SMG5: variants seen among roughly 807,000 people sequenced by gnomAD.
The protein encoded by SMG5 is nonsense-mediated mRNA decay factor SMG5.
A neutral mutation model predicts 122.9 loss-of-function variants in SMG5; 53 were observed. That is an observed-to-expected ratio of 0.43 (90% CI 0.35 to 0.54). The LOEUF is 0.54. Ranked by LOEUF, SMG5 falls within the 20% of genes least tolerant of loss-of-function variation. SMG5 has a pLI of 0.01. For missense variants in SMG5, 1,153 were observed against 1,285.6 expected (o/e 0.90, Z 1.58); for synonymous variants, 477 against 490.2 (o/e 0.97, Z 0.35).
At chr1:156,280,622 G>C (rs944382809) in intron 1 of SMG5, among the ~76,000 whole-genome samples, 1 of 152,220 alleles carries the variant, frequency 6.6e-6, no homozygotes, top group Non-Finnish European at 1.5e-5. Context: ...GCCATGGAAA[G>C]AGCTAATGGG....
At chr1:156,253,917 A>G (rs1397548554) in intron 16 of SMG5, among the ~76,000 whole-genome samples, 4 of 152,136 alleles carry the variant, frequency 2.6e-5, no homozygotes, top group Non-Finnish European at 5.9e-5. Context: ...CTGCAGATTC[A>G]GCCCAGGCCT....
At chr1:156,267,401 G>T in intron 10 of SMG5, 69 bp downstream of exon 10, 1 of 1,471,226 alleles carries the variant, frequency 6.8e-7, no homozygotes, top group Non-Finnish European at 9.4e-7. Flanking sequence ...TGAATAAGGA[G>T]CTGCAGAAAA....
Position 156,278,059 on chromosome 1 carries a change from T to C in SMG5, c.174-11A>G. The C allele has an allele frequency of 1.9e-6, 3 of 1,613,442 alleles. No individual in the cohort carries two copies. In the East Asian group the frequency reaches 6.7e-5, roughly 36 times the overall value. ...CAGAGCTCACGCAGCCTGGAGGGTG[T>C]AGAGGAGCATGAGAGAGACAGCCCA... On this transcript the variant is annotated splice_polypyrimidine_tract_variant and intron_variant, in intron 2 of 21. Coordinates refer to ENST00000361813, the MANE Select transcript of SMG5 (RefSeq NM_015327.3).
At chr1:156,269,694 T>A (rs1240862422) in intron 7 of SMG5, among the ~76,000 whole-genome samples, 1 of 152,072 alleles carries the variant, frequency 6.6e-6, no homozygotes, top group Non-Finnish European at 1.5e-5. Context: ...GCTAACACAG[T>A]GAGACCCCGT....
chr1:156,275,471 G>A (rs1035421920), intron 4 of SMG5, among the ~76,000 whole-genome samples: 2 of 152,228 alleles, frequency 1.3e-5, no homozygotes. Flanking sequence ...GCAACCCTAT[G>A]AGGTTACTCT....
upstream of SMG5, among the ~76,000 whole-genome samples, chr1:156,287,411 G>A (rs555052377): frequency 7.2e-5 from 11 of 151,970 alleles, no homozygotes; most frequent in East Asian, 1.9e-4. Context: ...GTGAGACTCC[G>A]TCTCAAACAA....
In SMG5 at chr1:156,260,335, C is replaced by A. The variant is rs535241738; in HGVS notation, c.2283+116G>T. 2.4e-6 allele frequency: 3 copies of A among 1,242,636 alleles called. No homozygotes were observed. The South Asian group carries it at 4.3e-5, about 18-fold the overall frequency. 77.0% of individuals were successfully genotyped at this position (1,242,636 alleles called of 1,614,324 possible). A position where few individuals can be genotyped will look rare whatever the true frequency, so the allele number is the denominator to read the frequency against. ...AGCACAGCCTGTAGCCCCAAGGACA[C>A]TGTCCCTGTCTGAGTGGAAGAGGGC... On this transcript the variant is annotated intron_variant, in intron 15 of 21. Transcript: ENST00000361813.
chr1:156,251,535 A>G, intron 19 of SMG5, 58 bp from the exon 20 acceptor site: 1 of 1,575,686 alleles, frequency 6.3e-7, no homozygotes, highest in Non-Finnish European at 8.7e-7. Context: ...GGTGCCTTAC[A>G]CAAAGCAGTC....
intron 10 of SMG5, among the ~76,000 whole-genome samples, chr1:156,266,900 C>T (rs1662178642): frequency 6.6e-6 from 1 of 152,050 alleles, no homozygotes; most frequent in Admixed American, 6.6e-5. Flanking sequence ...CTCGGCCTCC[C>T]AAAGTGCTGG....
chr1:156,285,246 T>C (rs758140988), upstream of SMG5: 20 of 1,545,204 alleles, frequency 1.3e-5, no homozygotes, highest in East Asian at 3.8e-4. Flanking sequence ...CAGGAGACCC[T>C]GGCCCTACTG....
At chr1:156,279,975 G>A (rs1285027914) in intron 1 of SMG5, among the ~76,000 whole-genome samples, 1 of 152,152 alleles carries the variant, frequency 6.6e-6, no homozygotes, top group Non-Finnish European at 1.5e-5. Flanking sequence ...ACCATAAAAT[G>A]GGAATATTAT....
At chr1:156,263,801 A>C (rs1435213708) in intron 12 of SMG5, among the ~76,000 whole-genome samples, 8 of 152,184 alleles carry the variant, frequency 5.3e-5, no homozygotes, top group Admixed American at 3.9e-4. Context: ...GGTTGTTTTT[A>C]AAATATGGTG....
At chr1:156,256,655 G>A (rs1034033015) in intron 16 of SMG5, among the ~76,000 whole-genome samples, 1 of 152,082 alleles carries the variant, frequency 6.6e-6, no homozygotes. Flanking sequence ...ATGAGGCTCT[G>A]ACATTACCAA....
chr1:156,253,168 C>T (rs1661429738), intron 17 of SMG5, 90 bp from the exon 18 acceptor site: 2 of 1,400,384 alleles, frequency 1.4e-6, no homozygotes, highest in East Asian at 2.4e-5. Context: ...CTCTATGGGG[C>T]TCCTCCTGTT....
intron 6 of SMG5, among the ~76,000 whole-genome samples, 170 bp from the exon 7 acceptor site, chr1:156,272,568 C>T (rs926730860): frequency 6.6e-6 from 1 of 151,824 alleles, no homozygotes; most frequent in Non-Finnish European, 1.5e-5. Flanking sequence ...TAGAGGATTA[C>T]TGACCTCTTC....
intron 15 of SMG5, 139 bp from the exon 16 acceptor site, chr1:156,259,302 T>G: frequency 2.2e-6 from 2 of 894,980 alleles, no homozygotes; most frequent in South Asian, 2.0e-5. Context: ...AGGGGAAGAT[T>G]TGTGGTCTAT....
intron 19 of SMG5, 54 bp downstream of exon 19, chr1:156,252,360 T>C: frequency 6.4e-7 from 1 of 1,555,432 alleles, no homozygotes; most frequent in Non-Finnish European, 8.9e-7. Flanking sequence ...TAAGCATGTG[T>C]TATCCAAAAG....
intron 16 of SMG5, among the ~76,000 whole-genome samples, chr1:156,257,269 T>C (rs1485816348): frequency 6.6e-6 from 1 of 152,150 alleles, no homozygotes; most frequent in African/African-American, 2.4e-5. Context: ...AGCACCTACC[T>C]CACTGGGCTG....
rs565589548 is a variant in SMG5 at position 156,265,901 on chromosome 1, G to C, written c.1735C>G (p.Arg579Gly). Residue 579 changes from arginine to glycine, a missense_variant, in exon 12 of 22, where the codon CGC becomes GGC. By Grantham distance (125) the Arg-to-Gly change is moderately radical. This residue lies in a region of SMG5 where 631 missense variants were observed against 650.6 expected (regional missense o/e 0.97). Coordinates refer to ENST00000361813, the MANE Select transcript of SMG5 (RefSeq NM_015327.3). ...AMSTQMFQTK[R>G]CFRLAPTFSN... ...AAGGTGGGGGCCAGTCGGAAGCAGC[G>C]CTTAGTCTGGAACATCTGGGTGGAC... The C allele has an allele frequency of 1.7e-5, 28 of 1,614,166 alleles. No individual in the cohort carries two copies. The East Asian group carries it at 5.6e-4, about 32-fold the overall frequency.
Sources: allele counts gnomAD v4.1 joint callset (sites outside exome capture counted in the v4.1 genomes callset), GRCh38; gene constraint gnomAD v4.1.1; regional missense constraint gnomAD v4.1.1; transcripts MANE v1.5; gene names NCBI Gene and HGNC (gene_info 2026-07-23, HGNC 2026-07-21).